Variants in DST observed in about 807,000 individuals in gnomAD.
DST encodes the protein dystonin.
A neutral mutation model predicts 875.2 loss-of-function variants in DST; 253 were observed. The ratio of observed to expected loss-of-function variants is 0.29; its 90% CI spans 0.26 to 0.32. The LOEUF (loss-of-function observed/expected upper bound fraction) is 0.32. Among genes scored for constraint, DST ranks in the 10% least tolerant of loss-of-function variants. The pLI is 1.00. For missense variants in DST, 8,287 were observed against 9,111.6 expected (o/e 0.91, Z 3.68); for synonymous variants, 3,124 against 3,197.1 (o/e 0.98, Z 0.77).
intron 55 of DST, among the ~76,000 whole-genome samples, chr6:56,567,876 A>G (rs1324847647): frequency 1.3e-5 from 2 of 152,338 alleles, no homozygotes; most frequent in Non-Finnish European, 2.9e-5. Flanking sequence ...GCTTAAATTA[A>G]TTTTAGAATC....
intron 4 of DST, among the ~76,000 whole-genome samples, chr6:56,788,610 A>G (rs1232362169): frequency 6.6e-6 from 1 of 152,264 alleles, no homozygotes; most frequent in African/African-American, 2.4e-5. Flanking sequence ...CAGTGGCTAC[A>G]GCACAATATG....
chr6:56,520,265 A>C (rs1050192993), intron 69 of DST, among the ~76,000 whole-genome samples: 15 of 152,192 alleles, frequency 9.9e-5, no homozygotes, highest in African/African-American at 3.4e-4. Context: ...GAACTACAAC[A>C]AAAGTCCTAA....
chr6:56,889,154 C>T (rs1786074140), intron 3 of DST, among the ~76,000 whole-genome samples: 3 of 152,202 alleles, frequency 2.0e-5, no homozygotes, highest in Admixed American at 2.0e-4. Flanking sequence ...CTTCTCTTCT[C>T]TATCAAATTC....
intron 59 of DST, among the ~76,000 whole-genome samples, 197 bp downstream of exon 59, chr6:56,557,122 C>A (rs1435498195): frequency 6.6e-6 from 1 of 152,168 alleles, no homozygotes; most frequent in Non-Finnish European, 1.5e-5. Flanking sequence ...CTCTAAGATG[C>A]CTTATAGCTT....
Position 56,463,152 on chromosome 6 carries a change from A to T in DST, c.22964T>A (p.Leu7655His). The part of the protein sequence containing the change: ...QVPATTTPKI[L>H]HPLTRNYGKP... ...ACCATAATTGCGTGTTAAAGGATGG[A>T]GAATCTGTATGGAACAATGGCAAAT... Residue 7655 changes from leucine (L) to histidine (H), a missense_variant, in exon 102 of 104, where the codon CTC (leucine) becomes CAC (histidine). Leu to His is a moderately conservative substitution (Grantham distance 99). This residue lies in a region of DST where 240 missense variants were observed against 237.3 expected (regional missense o/e 1.01). Coordinates refer to ENST00000680361, the MANE Select transcript of DST (RefSeq NM_001374736.1). 1 of 1,596,598 alleles carries T rather than the reference A, an allele frequency of 6.3e-7. No individual in the cohort carries two copies. The highest frequency in any genetic ancestry group is 8.6e-7 in the Non-Finnish European group (1 of 1,164,154).
intron 4 of DST, chr6:56,843,437 G>A: frequency 9.6e-7 from 1 of 1,038,594 alleles, no homozygotes; most frequent in South Asian, 4.6e-5. Flanking sequence ...CGAGCCCAGG[G>A]GCGGCGACGA....
Position 56,605,615 on chromosome 6 carries a change from T to A in DST, c.9013A>T (p.Ile3005Leu), listed in dbSNP as rs1248436676. The change falls in exon 40 of 104, where the codon ATA becomes TTA. Residue 3005 changes from isoleucine (I) to leucine (L), a missense_variant. Around this residue, in one of 10 missense-constraint regions of DST, gnomAD observed 3,138 missense variants for 3,116.6 expected, o/e 1.01. Transcript: ENST00000680361. Reference sequence around the variant, plus strand: ...TGGCTTTCCTCAGCAGGTTTTCCTATTAAATCAGGCTCAGTACAAATGATG... The same window carrying A: ...TGGCTTTCCTCAGCAGGTTTTCCTAATAAATCAGGCTCAGTACAAATGATG... The part of the protein sequence containing the change: ...DHIICTEPDL[I>L]GKPAEESHLS... 6.2e-7 allele frequency: 1 copy of A among 1,613,078 alleles called. No homozygotes were observed. Among genetic ancestry groups the A allele is most frequent in the East Asian group, 2.2e-5 (1 of 44,844 alleles).
At position 56,568,498 on chromosome 6, in the gene DST, G is replaced by C. The variant is rs1474284058; in HGVS notation, c.13976C>G (p.Pro4659Arg). 2 of 1,609,890 alleles carry C rather than the reference G, an allele frequency of 1.2e-6. No individual in the cohort carries two copies. The highest frequency in any genetic ancestry group is 1.7e-6 in the Non-Finnish European group (2 of 1,178,690). Residue 4659 changes from proline (P) to arginine (R), a missense_variant, in exon 55 of 104, where the codon CCT becomes CGT. By Grantham distance (103) the Pro-to-Arg change is moderately radical. Around this residue, in one of 10 missense-constraint regions of DST, gnomAD observed 1,513 missense variants for 1,677.8 expected, o/e 0.90. Transcript: ENST00000680361. ...LCNLISAVTT[P>R]AKAIAAVKSG... The stretch of plus-strand genomic sequence containing the variant: ...TTTAACTGCTGCTATTGCCTTTGCA[G>C]GGGTGGTCACAGCACTTATTAAGTT...
At chr6:56,578,265 T>C (rs182859574) in intron 50 of DST, among the ~76,000 whole-genome samples, 208 of 152,250 alleles carry the variant, frequency 1.4e-3, no homozygotes, top group African/African-American at 4.6e-3. Context: ...TCCTTACTTC[T>C]CAGGAGGCTG....
Position 56,605,103 on chromosome 6 carries a change from C to T in DST, c.9525G>A (p.Glu3175=). 3 of 1,612,746 alleles carry T rather than the reference C, an allele frequency of 1.9e-6. No individual in the cohort carries two copies. The highest frequency in any genetic ancestry group is 1.3e-5 in the African/African-American group (1 of 74,978). Residue 3175 remains glutamate, a synonymous_variant, in exon 40 of 104, where the codon GAG becomes GAA. Transcript: ENST00000680361. ...HFEESFTDGP[E]KELDLFTYLK... ...AGTAAGTAAACAGATCAAGCTCTTT[C>T]TCAGGTCCATCAGTGAATGACTCCT...
At position 56,485,336 on chromosome 6, in the gene DST, C is replaced by A. The variant is rs2152427374; in HGVS notation, c.21183G>T (p.Val7061=). 6.2e-7 allele frequency: 1 copy of A among 1,613,732 alleles called. No individual in the cohort carries two copies. Among genetic ancestry groups the A allele is most frequent in the Non-Finnish European group, 8.5e-7 (1 of 1,179,784 alleles). The change falls in exon 88 of 104, where the codon GTG becomes GTT. Residue 7061 remains valine (V), a synonymous_variant. Coordinates refer to ENST00000680361, the MANE Select transcript of DST (RefSeq NM_001374736.1). The part of the protein sequence containing the change: ...DQPVHGDIDL[V]MNLIDNHKAF... The stretch of plus-strand genomic sequence containing the variant: ...CCTTGTGATTATCGATCAGATTCAT[C>A]ACCAAATCAATGTCTCCATGAACAG...
intron 53 of DST, among the ~76,000 whole-genome samples, chr6:56,570,232 A>C (rs1160413971): frequency 6.6e-6 from 1 of 152,144 alleles, no homozygotes; most frequent in African/African-American, 2.4e-5. Flanking sequence ...TTTTTTCCAC[A>C]GGCCAGGGAG....
intron 4 of DST, among the ~76,000 whole-genome samples, chr6:56,761,913 A>T (rs2152963942): frequency 6.6e-6 from 1 of 152,334 alleles, no homozygotes; most frequent in African/African-American, 2.4e-5. Context: ...ATTAGTGGTT[A>T]TTTAGTGCAC....
At chr6:56,529,887 A>C in intron 65 of DST, 87 bp downstream of exon 65, 10 of 1,516,580 alleles carry the variant, frequency 6.6e-6, no homozygotes, top group Non-Finnish European at 8.9e-6. Context: ...TTTGCAATTA[A>C]ACAAAACAAT....
At chr6:56,532,127 G>A (rs1303845250) in intron 64 of DST, among the ~76,000 whole-genome samples, 1 of 152,110 alleles carries the variant, frequency 6.6e-6, no homozygotes, top group East Asian at 1.9e-4. Flanking sequence ...TCACTCCCAA[G>A]GGAAATGCTT....
At chr6:56,676,322 C>T (rs748246131) in intron 9 of DST, among the ~76,000 whole-genome samples, 8 of 152,224 alleles carry the variant, frequency 5.3e-5, no homozygotes, top group Non-Finnish European at 7.3e-5. Context: ...CCTGCCTCAG[C>T]TGCCCAAAGT....
At chr6:56,892,112 T>TC (rs977241127) in intron 3 of DST, among the ~76,000 whole-genome samples, 17 of 152,188 alleles carry the variant, frequency 1.1e-4, no homozygotes, top group African/African-American at 4.1e-4. Context: ...CATGCTATGA[T>TC]CACACTACTC....
At chr6:56,496,541 G>T (rs1031486586) in intron 82 of DST, among the ~76,000 whole-genome samples, 22 of 151,988 alleles carry the variant, frequency 1.4e-4, no homozygotes, top group Admixed American at 1.4e-3. Flanking sequence ...AGACAATCAT[G>T]CTTATAACAA....
intron 43 of DST, 103 bp from the exon 44 acceptor site, chr6:56,601,779 G>A: frequency 1.4e-6 from 1 of 717,602 alleles, no homozygotes; most frequent in Non-Finnish European, 2.2e-6. Context: ...TCACATCAGG[G>A]AATGGAAGTT....
Sources: allele counts gnomAD v4.1 joint callset (sites outside exome capture counted in the v4.1 genomes callset), GRCh38; gene constraint gnomAD v4.1.1; regional missense constraint gnomAD v4.1.1; transcripts MANE v1.5; gene names NCBI Gene and HGNC (gene_info 2026-07-23, HGNC 2026-07-21).